The following DMD variants were observed in gnomAD, a reference collection of about 807,000 sequenced individuals.
DMD encodes the protein dystrophin, also known as mutant dystrophin.
In DMD, 63 loss-of-function variants were observed where a neutral mutation model predicts 330.1. That is an observed-to-expected ratio of 0.19 (90% CI 0.16 to 0.24). The LOEUF (loss-of-function observed/expected upper bound fraction) is 0.24, where lower values mean the gene tolerates loss of function less well. Ranked by LOEUF, DMD falls within the 10% of genes least tolerant of loss-of-function variation. The pLI is 1.00. For synonymous variants in DMD, 1,223 were observed against 959.8 expected (o/e 1.27, Z -5.07); for missense variants, 3,344 against 2,684.1 (o/e 1.25, Z -5.43).
chrX:32,396,560 T>C (rs1468655067), intron 30 of DMD, among the ~76,000 whole-genome samples: 1 of 111,322 alleles, frequency 9.0e-6, no homozygotes, highest in African/African-American at 3.3e-5. Context: ...TTTATTAATA[T>C]ATATTGTGTA....
At chrX:31,719,876 G>A (rs999599108) in intron 52 of DMD, among the ~76,000 whole-genome samples, 5 of 111,564 alleles carry the variant, frequency 4.5e-5, no homozygotes, top group African/African-American at 1.6e-4. Flanking sequence ...CACTGTGAAA[G>A]TGAATCCTTC....
intron 7 of DMD, among the ~76,000 whole-genome samples, chrX:32,791,006 T>C (rs762917970): frequency 1.6e-4 from 18 of 110,815 alleles, no homozygotes; most frequent in Non-Finnish European, 2.8e-4. Context: ...CATAAAAATT[T>C]GTATAGAGAC....
At chrX:32,127,930 TTTGCAATTGCA>T (rs755790372) in intron 44 of DMD, among the ~76,000 whole-genome samples, 53 of 112,306 alleles carry the variant, frequency 4.7e-4, no homozygotes, top group Admixed American at 1.1e-3. Context: ...AAGACATGTA[TTTGCAATTGCA>T]TTGCTCAAGA....
chrX:31,296,175 G>A (rs1442776343), intron 62 of DMD, among the ~76,000 whole-genome samples: 1 of 111,037 alleles, frequency 9.0e-6, no homozygotes, highest in Non-Finnish European at 1.9e-5. Flanking sequence ...TCAGAAGAGA[G>A]TAGATTCTTG....
chrX:33,331,354 A>C (rs2054173443), intron 1 of DMD, among the ~76,000 whole-genome samples: 1 of 111,200 alleles, frequency 9.0e-6, no homozygotes, highest in African/African-American at 3.3e-5. Flanking sequence ...CTCCCCTAAA[A>C]CCCATACAAT....
At chrX:33,332,203 C>T (rs1350737996) in intron 1 of DMD, among the ~76,000 whole-genome samples, 1 of 111,151 alleles carries the variant, frequency 9.0e-6, no homozygotes, top group Non-Finnish European at 1.9e-5. Context: ...TGCACAGAGT[C>T]TATAAATTTC....
chrX:31,697,380 A>G (rs1003325403), intron 52 of DMD, among the ~76,000 whole-genome samples: 3 of 111,352 alleles, frequency 2.7e-5, no homozygotes, highest in African/African-American at 9.8e-5. Flanking sequence ...TTTTTCTCAC[A>G]AAGGTCCGTC....
chrX:32,508,480 C>CA (rs2044870469), intron 18 of DMD, among the ~76,000 whole-genome samples: 1 of 111,295 alleles, frequency 9.0e-6, no homozygotes, highest in South Asian at 3.8e-4. Context: ...AAAGGGCCTG[C>CA]AGTCACCCTT....
chrX:32,706,818 T>C (rs2147723673), intron 7 of DMD, among the ~76,000 whole-genome samples: 1 of 111,579 alleles, frequency 9.0e-6, no homozygotes, highest in East Asian at 2.8e-4. Flanking sequence ...TGGCTGGGCA[T>C]GGTGGCTCAT....
intron 47 of DMD, among the ~76,000 whole-genome samples, chrX:31,886,590 T>C (rs1006052972): frequency 8.9e-6 from 1 of 111,870 alleles, no homozygotes; most frequent in Non-Finnish European, 1.9e-5. Flanking sequence ...GGAGGTGTAA[T>C]ATTGCACCTA....
intron 44 of DMD, among the ~76,000 whole-genome samples, chrX:32,005,609 AGAG>A (rs1490772425): frequency 1.8e-5 from 2 of 111,061 alleles, no homozygotes; most frequent in Non-Finnish European, 3.8e-5. Context: ...TGGGGACACC[AGAG>A]GAGAACTACA....
At chrX:31,721,000 C>T (rs770729350) in intron 52 of DMD, among the ~76,000 whole-genome samples, 8 of 110,889 alleles carry the variant, frequency 7.2e-5, no homozygotes, top group East Asian at 2.8e-4. Context: ...TTTAACACAA[C>T]GTATAGGAAG....
intron 1 of DMD, among the ~76,000 whole-genome samples, chrX:33,309,544 C>T (rs1366782062): frequency 9.0e-6 from 1 of 110,951 alleles, no homozygotes; most frequent in Non-Finnish European, 1.9e-5. Context: ...TATACCATAT[C>T]TATCTTTATA....
intron 44 of DMD, among the ~76,000 whole-genome samples, chrX:32,120,616 G>GA (rs2096630874): frequency 8.9e-6 from 1 of 111,740 alleles, no homozygotes; most frequent in Non-Finnish European, 1.9e-5. Flanking sequence ...AAGTTGAAGG[G>GA]AAAAAATGTT....
intron 55 of DMD, among the ~76,000 whole-genome samples, chrX:31,565,693 A>G (rs1168074551): frequency 9.0e-6 from 1 of 111,666 alleles, no homozygotes; most frequent in Non-Finnish European, 1.9e-5. Flanking sequence ...AAATTGATAA[A>G]CAGTTTGCTA....
intron 11 of DMD, among the ~76,000 whole-genome samples, chrX:32,632,519 T>A (rs932952628): frequency 8.9e-6 from 1 of 112,647 alleles, no homozygotes; most frequent in Admixed American, 9.3e-5. Flanking sequence ...GGAGAAGTTC[T>A]CTGTGAGGGT....
intron 1 of DMD, among the ~76,000 whole-genome samples, chrX:33,335,059 C>G (rs992410384): frequency 2.7e-5 from 3 of 110,934 alleles, no homozygotes; most frequent in Non-Finnish European, 5.7e-5. Flanking sequence ...GCTTAATTTT[C>G]TCTACTTTTT....
chrX:32,638,781 C>T (rs751133411), intron 11 of DMD, among the ~76,000 whole-genome samples: 5 of 111,622 alleles, frequency 4.5e-5, no homozygotes, highest in East Asian at 5.6e-4. Flanking sequence ...TATTCACATA[C>T]GCAAACTTCA....
Position 31,262,376 on chromosome X carries a change from T to TA in DMD, c.9225-1361dup, listed in dbSNP as rs201127843. ...CACACTACATGTTATCACCTATGTT[T>TA]AAAAAAAATAAGTTAAAACAACCGT... On this transcript the variant is annotated intron_variant, in intron 62 of 78. Transcript: ENST00000357033. 6.7e-3 allele frequency among the ~76,000 whole-genome samples: 744 copies of TA among 111,670 alleles called. 7 individuals carry two copies. Among genetic ancestry groups the TA allele is most frequent in the African/African-American group, 0.023 (707 of 30,736 alleles).
Sources: gnomAD v4.1 joint callset for allele counts (sites outside exome capture counted in the v4.1 genomes callset) on GRCh38, gnomAD v4.1.1 for gene constraint, MANE v1.5 for transcripts, NCBI Gene and HGNC (gene_info 2026-07-23, HGNC 2026-07-21) for gene names.